Variants in FRMPD4 observed in about 807,000 individuals in gnomAD.
The protein encoded by FRMPD4 is FERM and PDZ domain containing 4, also known as FERM and PDZ domain-containing protein 4.
FRMPD4 carries 22 observed loss-of-function variants against 94.1 expected under a neutral mutation model. The ratio of observed to expected loss-of-function variants is 0.23; its 90% CI spans 0.17 to 0.33. The LOEUF (loss-of-function observed/expected upper bound fraction) is 0.33, where lower values mean the gene tolerates loss of function less well. Among genes scored for constraint, FRMPD4 ranks in the 10% least tolerant of loss-of-function variants. The pLI, the probability that FRMPD4 is intolerant of heterozygous loss-of-function variation, is 1.00. For missense variants in FRMPD4, 1,111 were observed against 1,339.9 expected, an observed-to-expected ratio of 0.83 and a Z score of 2.67; for synonymous variants, 631 against 548.6, an observed-to-expected ratio of 1.15 and a Z score of -2.10.
At chrX:12,413,098 A>G (rs760381440) in intron 1 of FRMPD4, among the ~76,000 whole-genome samples, 1 of 111,603 alleles carries the variant, frequency 9.0e-6, no homozygotes, top group East Asian at 2.8e-4. Flanking sequence ...GATGACTTCC[A>G]GCAGCCAGTC....
intron 1 of FRMPD4, among the ~76,000 whole-genome samples, chrX:12,379,642 CGTGTGTGTGTGTGTGT>C (rs55742933): frequency 0.042 from 3,744 of 89,941 alleles, 198 homozygotes; most frequent in African/African-American, 0.14. Flanking sequence ...GATATGCTGC[CGTGTGTGTGTGTGTGT>C]GTGTGTGTGT....
intron 2 of FRMPD4, among the ~76,000 whole-genome samples, chrX:12,592,186 C>T (rs781433424): frequency 9.4e-4 from 105 of 111,714 alleles, no homozygotes; most frequent in Non-Finnish European, 1.4e-3. Context: ...GTGGGTTTTT[C>T]CCTTAGTCTA....
chrX:12,520,279 G>C (rs1009711574), intron 2 of FRMPD4, among the ~76,000 whole-genome samples: 6 of 111,731 alleles, frequency 5.4e-5, no homozygotes, highest in Non-Finnish European at 1.1e-4. Context: ...CAGTTCCAAA[G>C]GACAAATACT....
chrX:12,229,152 C>T (rs888589352), intron 1 of FRMPD4, among the ~76,000 whole-genome samples: 2 of 111,954 alleles, frequency 1.8e-5, no homozygotes, highest in East Asian at 2.8e-4. Flanking sequence ...CATATATTCA[C>T]GCTGATTTTG....
At chrX:11,853,885 G>C (rs774547223) in intron 1 of FRMPD4, among the ~76,000 whole-genome samples, 1 of 112,159 alleles carries the variant, frequency 8.9e-6, no homozygotes, top group South Asian at 3.7e-4. Flanking sequence ...ATTCTATGAG[G>C]CCAGCATCAT....
chrX:12,670,379 G>A (rs778041111), intron 4 of FRMPD4, among the ~76,000 whole-genome samples: 1 of 112,057 alleles, frequency 8.9e-6, no homozygotes, highest in African/African-American at 3.2e-5. Flanking sequence ...GCATGGTACT[G>A]GTACCAAAAT....
At chrX:12,110,670 C>A (rs1186238255) in intron 3 of FRMPD4, among the ~76,000 whole-genome samples, 1 of 111,191 alleles carries the variant, frequency 9.0e-6, no homozygotes, top group African/African-American at 3.3e-5. Context: ...TTTAGAAAAC[C>A]CCATTGTCTC....
At chrX:12,318,909 CAT>C (rs1338129152) in intron 1 of FRMPD4, among the ~76,000 whole-genome samples, 1 of 109,366 alleles carries the variant, frequency 9.1e-6, no homozygotes. Flanking sequence ...AAAAAAAAAA[CAT>C]AGGGGAAAGC....
At chrX:12,430,914 C>T (rs181292745) in intron 1 of FRMPD4, among the ~76,000 whole-genome samples, 27 of 112,421 alleles carry the variant, frequency 2.4e-4, no homozygotes, top group Middle Eastern at 4.6e-3. Context: ...ACTCTGGCTG[C>T]TAGTTTTCCA....
At chrX:11,898,118 G>A (rs1386464210) in intron 3 of FRMPD4, among the ~76,000 whole-genome samples, 1 of 111,412 alleles carries the variant, frequency 9.0e-6, no homozygotes, top group Non-Finnish European at 1.9e-5. Flanking sequence ...ATGACTGAAA[G>A]GTGTGTGTGT....
At chrX:12,486,720 T>A (rs2057743135) in intron 1 of FRMPD4, among the ~76,000 whole-genome samples, 1 of 112,553 alleles carries the variant, frequency 8.9e-6, no homozygotes, top group Non-Finnish European at 1.9e-5. Context: ...TCATAACACA[T>A]CTCAGGAAAA....
At chrX:12,562,390 G>T (rs2058667996) in intron 2 of FRMPD4, among the ~76,000 whole-genome samples, 1 of 111,725 alleles carries the variant, frequency 9.0e-6, no homozygotes, top group Non-Finnish European at 1.9e-5. Flanking sequence ...TAGCTTTTTG[G>T]TACTGGCCAT....
intron 13 of FRMPD4, among the ~76,000 whole-genome samples, chrX:12,707,882 C>T (rs916231293): frequency 2.7e-5 from 3 of 112,006 alleles, no homozygotes; most frequent in East Asian, 2.8e-4. Flanking sequence ...TTTATTCATA[C>T]GTGAGAAAGC....
At chrX:12,490,959 A>G (rs2057787190) in intron 1 of FRMPD4, among the ~76,000 whole-genome samples, 1 of 111,295 alleles carries the variant, frequency 9.0e-6, no homozygotes, top group Non-Finnish European at 1.9e-5. Flanking sequence ...ATACTGATGA[A>G]CACTTAGGAC....
chrX:12,618,907 C>A (rs2059262027), intron 4 of FRMPD4, among the ~76,000 whole-genome samples: 1 of 111,734 alleles, frequency 8.9e-6, no homozygotes, highest in Non-Finnish European at 1.9e-5. Context: ...AGAGCCGGGG[C>A]AGCAGACTCT....
intron 1 of FRMPD4, among the ~76,000 whole-genome samples, chrX:12,255,196 T>TG (rs1365620506): frequency 8.9e-6 from 1 of 111,938 alleles, no homozygotes; most frequent in African/African-American, 3.2e-5. Context: ...AGATCCAGTT[T>TG]GGGGATCAGT....
chrX:12,546,120 G>C (rs1359642458), intron 2 of FRMPD4, among the ~76,000 whole-genome samples: 1 of 111,120 alleles, frequency 9.0e-6, no homozygotes, highest in Non-Finnish European at 1.9e-5. Context: ...TTATGAGATA[G>C]CCATCATTTA....
At chrX:12,278,067 T>C (rs2054468136) in intron 1 of FRMPD4, among the ~76,000 whole-genome samples, 1 of 112,935 alleles carries the variant, frequency 8.9e-6, no homozygotes, top group Non-Finnish European at 1.9e-5. Flanking sequence ...CCTCATTTTT[T>C]ATTCTCTAGT....
At chrX:12,476,387 T>C (rs1295706940) in intron 1 of FRMPD4, among the ~76,000 whole-genome samples, 1 of 111,782 alleles carries the variant, frequency 8.9e-6, no homozygotes, top group Non-Finnish European at 1.9e-5. Flanking sequence ...GCAATACCAT[T>C]TGGGACATAG....
Sources: allele counts gnomAD v4.1 joint callset (sites outside exome capture counted in the v4.1 genomes callset), GRCh38; gene constraint gnomAD v4.1.1; transcripts MANE v1.5; gene names NCBI Gene and HGNC (gene_info 2026-07-23, HGNC 2026-07-21).